Variants in PTPRD observed in about 807,000 individuals in gnomAD.
PTPRD encodes the protein receptor-type tyrosine-protein phosphatase delta.
In PTPRD, 34 loss-of-function variants were observed where a neutral mutation model predicts 214.5. The ratio of observed to expected loss-of-function variants is 0.16; its 90% CI spans 0.12 to 0.21. The LOEUF is 0.21. PTPRD is among the 10% of genes least tolerant of loss of function. The pLI is 1.00. For synonymous variants in PTPRD, 1,128 were observed against 845.7 expected (o/e 1.33, Z -5.79); for missense variants, 2,545 against 2,398.7 (o/e 1.06, Z -1.27).
At chr9:9,772,900 C>A (rs1597382115) in intron 5 of PTPRD, among the ~76,000 whole-genome samples, 1 of 152,122 alleles carries the variant, frequency 6.6e-6, no homozygotes, top group Non-Finnish European at 1.5e-5. Flanking sequence ...TTCACGTATG[C>A]TGACAAACAT....
intron 6 of PTPRD, among the ~76,000 whole-genome samples, chr9:9,751,678 G>C (rs2098521299): frequency 6.6e-6 from 1 of 152,070 alleles, no homozygotes; most frequent in Non-Finnish European, 1.5e-5. Context: ...TGAAGATGAA[G>C]ACAGAGATTG....
chr9:8,615,251 C>T (rs1398628187), intron 14 of PTPRD, among the ~76,000 whole-genome samples: 3 of 151,776 alleles, frequency 2.0e-5, no homozygotes, highest in Non-Finnish European at 4.4e-5. Context: ...CTGTGGGAGC[C>T]CACGGCTCAG....
intron 39 of PTPRD, among the ~76,000 whole-genome samples, chr9:8,355,099 G>A (rs909812941): frequency 1.3e-5 from 2 of 151,986 alleles, no homozygotes; most frequent in Non-Finnish European, 2.9e-5. Flanking sequence ...CATGGGAGGT[G>A]GATCGTTCAT....
At chr9:10,582,825 A>G (rs186474725) in intron 2 of PTPRD, among the ~76,000 whole-genome samples, 187 of 152,336 alleles carry the variant, frequency 1.2e-3, no homozygotes, top group Non-Finnish European at 2.2e-3. Context: ...TGTGAAAGTC[A>G]TTAATGGTGT....
chr9:10,499,423 G>C (rs2133142493), intron 2 of PTPRD, among the ~76,000 whole-genome samples: 1 of 151,966 alleles, frequency 6.6e-6, no homozygotes, highest in South Asian at 2.1e-4. Context: ...TTTTGTATCT[G>C]CCCAAAACAT....
intron 9 of PTPRD, among the ~76,000 whole-genome samples, chr9:9,297,151 A>T (rs1953384277): frequency 6.6e-6 from 1 of 151,734 alleles, no homozygotes; most frequent in African/African-American, 2.4e-5. Context: ...TTTCTCCAGA[A>T]ATTTCCCCTT....
intron 11 of PTPRD, among the ~76,000 whole-genome samples, chr9:8,895,618 T>A (rs2098602847): frequency 1.3e-5 from 2 of 152,198 alleles, no homozygotes; most frequent in South Asian, 4.1e-4. Context: ...ATGTGTGCAA[T>A]TCCTGTGCCC....
At chr9:9,179,497 C>T (rs12344847) in intron 10 of PTPRD, among the ~76,000 whole-genome samples, 23 of 152,174 alleles carry the variant, frequency 1.5e-4, no homozygotes, top group East Asian at 7.7e-4. Context: ...CAAAATGCTA[C>T]GAACCACTAG....
chr9:8,611,804 A>AAGAGGATAGG (rs1554903548), intron 14 of PTPRD, among the ~76,000 whole-genome samples: 1 of 145,462 alleles, frequency 6.9e-6, no homozygotes, highest in Non-Finnish European at 1.5e-5. Context: ...GAAAAGAAAA[A>AAGAGGATAGG]AGAGGAGAGG....
At position 8,366,500 on chromosome 9, in the gene PTPRD, A is replaced by G. The variant is rs547702110; in HGVS notation, c.4661+9436T>C. The stretch of plus-strand genomic sequence containing the variant: ...AGTAGACAAAAACAAAAAATGAAAA[A>G]TATTTAAGTTTTTCATAAGCAACTC... On this transcript the variant is annotated intron_variant, in intron 39 of 45. Transcript: ENST00000381196. Among the ~76,000 whole-genome samples the G allele has an allele frequency of 3.3e-5, 5 of 152,330 alleles. No individual in the cohort carries two copies. In the East Asian group the frequency reaches 9.6e-4, roughly 29 times the overall value.
chr9:10,184,619 T>G (rs187906738), intron 3 of PTPRD, among the ~76,000 whole-genome samples: 1 of 152,150 alleles, frequency 6.6e-6, no homozygotes, highest in South Asian at 2.1e-4. Context: ...TTTTGGTGAA[T>G]AGTGGAATTA....
intron 2 of PTPRD, among the ~76,000 whole-genome samples, chr9:10,518,673 C>T (rs1010648714): frequency 5.3e-5 from 8 of 151,966 alleles, no homozygotes; most frequent in African/African-American, 1.9e-4. Flanking sequence ...GCTGGGACTA[C>T]AGGCGCCCGC....
intron 4 of PTPRD, among the ~76,000 whole-genome samples, chr9:10,033,093 G>A (rs2097112519): frequency 6.6e-6 from 1 of 150,826 alleles, no homozygotes; most frequent in Non-Finnish European, 1.5e-5. Flanking sequence ...GTGTGTGTGT[G>A]TATGAGTGTG....
chr9:9,964,399 G>A (rs184385746), intron 4 of PTPRD, among the ~76,000 whole-genome samples: 2 of 152,314 alleles, frequency 1.3e-5, no homozygotes, highest in East Asian at 3.9e-4. Context: ...AAAGTTTTGA[G>A]AGAATGAGAA....
intron 14 of PTPRD, among the ~76,000 whole-genome samples, chr9:8,563,241 TAC>T (rs1714953407): frequency 1.3e-5 from 2 of 152,098 alleles, no homozygotes. Context: ...GAGGCTACAG[TAC>T]AGACAGCCAA....
intron 3 of PTPRD, among the ~76,000 whole-genome samples, chr9:10,144,651 A>T (rs114758713): frequency 0.017 from 2,579 of 152,222 alleles, 67 homozygotes; most frequent in African/African-American, 0.059. Flanking sequence ...ATTTTGACCT[A>T]TCTCCACTGG....
chr9:9,653,431 C>G (rs1174618547), intron 7 of PTPRD, among the ~76,000 whole-genome samples: 1 of 132,376 alleles, frequency 7.6e-6, no homozygotes, highest in East Asian at 2.4e-4. Context: ...TAATGGTTAG[C>G]AAATATAGGT....
intron 9 of PTPRD, among the ~76,000 whole-genome samples, chr9:9,211,136 G>T (rs984492488): frequency 1.3e-5 from 2 of 151,732 alleles, no homozygotes; most frequent in Admixed American, 6.6e-5. Flanking sequence ...TTTTTCCACA[G>T]TCATATGTAA....
intron 3 of PTPRD, among the ~76,000 whole-genome samples, chr9:10,188,036 CT>C (rs1198033127): frequency 6.6e-6 from 1 of 152,196 alleles, no homozygotes; most frequent in African/African-American, 2.4e-5. Flanking sequence ...TCTGGCAACA[CT>C]TTAATACACC....
Sources: gnomAD v4.1 joint callset for allele counts (sites outside exome capture counted in the v4.1 genomes callset) on GRCh38, gnomAD v4.1.1 for gene constraint, MANE v1.5 for transcripts, NCBI Gene and HGNC (gene_info 2026-07-23, HGNC 2026-07-21) for gene names.